The following ATP10A variants were observed in gnomAD, a reference collection of about 807,000 sequenced individuals.
ATP10A encodes the protein ATPase phospholipid transporting 10A (putative).
In ATP10A, 111 loss-of-function variants were observed where a neutral mutation model predicts 147.8. The observed-to-expected ratio is 0.75, with a 90% confidence interval of 0.64 to 0.88. ATP10A has a LOEUF of 0.88. Ranked by LOEUF, ATP10A falls within the 40% of genes least tolerant of loss-of-function variation. The probability of loss-of-function intolerance (pLI) is 0.00; values close to 1 mark genes in which losing one functional copy is unlikely to be tolerated. For missense variants in ATP10A, 1,927 were observed against 1,959.0 expected (o/e 0.98, Z 0.31); for synonymous variants, 875 against 841.6 (o/e 1.04, Z -0.69).
At chr15:25,712,415 G>A (rs1901488938) in intron 10 of ATP10A, among the ~76,000 whole-genome samples, 1 of 152,204 alleles carries the variant, frequency 6.6e-6, no homozygotes, top group Non-Finnish European at 1.5e-5. Context: ...CCAGCGCTGG[G>A]CAGCCCCCAC....
rs370765422 is a variant in ATP10A at position 25,842,177 on chromosome 15, C to A, written c.449+20471G>T. On this transcript the variant is annotated intron_variant, in intron 1 of 20. Coordinates refer to ENST00000555815, the MANE Select transcript of ATP10A (RefSeq NM_024490.4). Reference sequence around the variant, plus strand: ...GTCCACTGGTGGCTTGGGTGTGGAGCGGGCCTTGGGCTCCCACTAGGTCTC... The same window carrying A: ...GTCCACTGGTGGCTTGGGTGTGGAGAGGGCCTTGGGCTCCCACTAGGTCTC... Among the ~76,000 whole-genome samples the A allele has an allele frequency of 1.4e-4, 21 of 152,252 alleles. No homozygotes were observed. The East Asian group carries it at 3.3e-3, about 24-fold the overall frequency.
chr15:25,716,657 C>T, intron 9 of ATP10A, 73 bp downstream of exon 9: 1 of 1,406,022 alleles, frequency 7.1e-7, no homozygotes, highest in Non-Finnish European at 9.6e-7. Context: ...GGCGCCTGCC[C>T]TCAGGAGGAC....
At chr15:25,685,155 G>A (rs945134789) in intron 16 of ATP10A, among the ~76,000 whole-genome samples, 1 of 152,096 alleles carries the variant, frequency 6.6e-6, no homozygotes, top group Non-Finnish European at 1.5e-5. Flanking sequence ...AACCACTGTT[G>A]TTATGGAAAC....
chr15:25,693,197 A>AT (rs1459736005), intron 14 of ATP10A, among the ~76,000 whole-genome samples: 1 of 151,422 alleles, frequency 6.6e-6, no homozygotes. Flanking sequence ...AATTTTTTTT[A>AT]TTTTTTGTAG....
chr15:25,712,941 T>C (rs547289940), intron 10 of ATP10A, among the ~76,000 whole-genome samples: 6 of 152,292 alleles, frequency 3.9e-5, no homozygotes, highest in African/African-American at 1.4e-4. Context: ...GAAAGGCCAG[T>C]GGGAGGTAAA....
At chr15:25,704,809 A>T (rs1900878355) in intron 12 of ATP10A, among the ~76,000 whole-genome samples, 1 of 152,150 alleles carries the variant, frequency 6.6e-6, no homozygotes, top group Non-Finnish European at 1.5e-5. Flanking sequence ...GATATAATTT[A>T]TGTGACTCTG....
intron 12 of ATP10A, among the ~76,000 whole-genome samples, chr15:25,703,324 CAGCCTGGGTGA>C (rs1900782905): frequency 6.6e-6 from 1 of 152,150 alleles, no homozygotes; most frequent in South Asian, 2.1e-4. Flanking sequence ...CACTGCACTC[CAGCCTGGGTGA>C]CAGAGCGAGA....
intron 2 of ATP10A, among the ~76,000 whole-genome samples, chr15:25,745,509 G>T (rs1314894556): frequency 6.6e-6 from 1 of 151,982 alleles, no homozygotes; most frequent in African/African-American, 2.4e-5. Context: ...ATTGCTTGAG[G>T]CCAGCAGTTT....
chr15:25,730,443 A>G (rs1192724402), intron 3 of ATP10A, among the ~76,000 whole-genome samples: 1 of 152,108 alleles, frequency 6.6e-6, no homozygotes, highest in East Asian at 1.9e-4. Flanking sequence ...GAGTCTCCCC[A>G]GGCATCTCCC....
At chr15:25,703,400 C>G (rs1403895726) in intron 12 of ATP10A, among the ~76,000 whole-genome samples, 1 of 152,212 alleles carries the variant, frequency 6.6e-6, no homozygotes, top group African/African-American at 2.4e-5. Flanking sequence ...ATTTCTCAAT[C>G]TCCCCATTGT....
At chr15:25,784,103 T>A (rs997299448) in intron 1 of ATP10A, among the ~76,000 whole-genome samples, 16 of 152,240 alleles carry the variant, frequency 1.1e-4, no homozygotes, top group Admixed American at 3.3e-4. Flanking sequence ...ACAAGCTTTT[T>A]TGTCCTTCTT....
intron 1 of ATP10A, among the ~76,000 whole-genome samples, chr15:25,816,049 T>C (rs1388946873): frequency 6.6e-6 from 1 of 150,696 alleles, no homozygotes; most frequent in Non-Finnish European, 1.5e-5. Flanking sequence ...CCAGTAATAA[T>C]TGACTTATAG....
Position 25,786,303 on chromosome 15 carries a change from G to A in ATP10A, c.450-5080C>T, listed in dbSNP as rs941916243. Among the ~76,000 whole-genome samples the A allele has an allele frequency of 1.0e-3, 154 of 152,258 alleles. 1 individual carries two copies. Among genetic ancestry groups the A allele is most frequent in the African/African-American group, 3.3e-3 (136 of 41,556 alleles). On this transcript the variant is annotated intron_variant, in intron 1 of 20. Transcript: ENST00000555815. The stretch of plus-strand genomic sequence containing the variant: ...CCACACCTCGGCCTTCACCTCCCAC[G>A]GCCGAGTGAACACGGCTGGAAGGAC...
chr15:25,719,512 A>T (rs1231946272), intron 7 of ATP10A, among the ~76,000 whole-genome samples: 3 of 152,188 alleles, frequency 2.0e-5, no homozygotes, highest in East Asian at 3.9e-4. Flanking sequence ...TCTGTCCAGC[A>T]TGAGGTGAGG....
intron 15 of ATP10A, among the ~76,000 whole-genome samples, chr15:25,691,231 C>T (rs1224630126): frequency 6.6e-6 from 1 of 152,116 alleles, no homozygotes. Flanking sequence ...TGTCTGACTC[C>T]CAGACCGAGA....
intron 3 of ATP10A, among the ~76,000 whole-genome samples, chr15:25,728,206 G>T (rs1161437141): frequency 6.6e-6 from 1 of 152,194 alleles, no homozygotes; most frequent in Admixed American, 6.5e-5. Context: ...CCCTGCAGGG[G>T]TTTCCCTCCT....
chr15:25,776,311 G>A (rs527840572), intron 2 of ATP10A, among the ~76,000 whole-genome samples: 169 of 152,272 alleles, frequency 1.1e-3, no homozygotes, highest in Non-Finnish European at 2.1e-3. Flanking sequence ...AACCCGCTCC[G>A]AATCCACACT....
chr15:25,834,759 A>G (rs2140878189), intron 1 of ATP10A, among the ~76,000 whole-genome samples: 1 of 152,376 alleles, frequency 6.6e-6, no homozygotes, highest in African/African-American at 2.4e-5. Flanking sequence ...TGGTACATCC[A>G]TACAATGGGA....
chr15:25,843,520 GT>G (rs1264502402), intron 1 of ATP10A, among the ~76,000 whole-genome samples: 1 of 152,108 alleles, frequency 6.6e-6, no homozygotes, highest in East Asian at 1.9e-4. Flanking sequence ...ACTCCTCTCT[GT>G]GCAGGAATTC....
Sources: allele counts gnomAD v4.1 joint callset (sites outside exome capture counted in the v4.1 genomes callset), GRCh38; gene constraint gnomAD v4.1.1; transcripts MANE v1.5; gene names NCBI Gene and HGNC (gene_info 2026-07-23, HGNC 2026-07-21).